Variants in NDRG1 observed in about 807,000 individuals in gnomAD.
NDRG1 encodes N-myc downstream regulated 1.
Under a neutral mutation model 56.9 loss-of-function variants are expected in NDRG1, and 32 were observed. The ratio of observed to expected loss-of-function variants is 0.56; its 90% CI spans 0.42 to 0.76. NDRG1 has a LOEUF of 0.76. Ranked by LOEUF, NDRG1 falls within the 30% of genes least tolerant of loss-of-function variation. NDRG1 has a pLI of 0.00. For missense variants in NDRG1, 507 were observed against 545.7 expected, an observed-to-expected ratio of 0.93 and a Z score of 0.71; for synonymous variants, 211 against 204.1, an observed-to-expected ratio of 1.03 and a Z score of -0.29.
intron 3 of NDRG1, among the ~76,000 whole-genome samples, chr8:133,278,572 CTTCCTGGT>C (rs1857588839): frequency 2.0e-5 from 3 of 152,154 alleles, no homozygotes; most frequent in Admixed American, 6.5e-5. Flanking sequence ...CATGGGCTTC[CTTCCTGGT>C]CAGGCAGAGC....
rs1428958121 is a variant in NDRG1 at position 133,238,919 on chromosome 8, C to T, written c.1144G>A (p.Gly382Arg). The stretch of plus-strand genomic sequence containing the variant: ...ATGGACTTGGGCCCGGCGCTGTTCC[C>T]AGCAGCACCCGAGTTGGGGGTGATG... The part of the protein sequence containing the change: ...LDITPNSGAA[G>R]NSAGPKSMEV... The change falls in exon 16 of 16, where the codon GGG (glycine) becomes AGG (arginine). Residue 382 changes from glycine to arginine, a missense_variant. Physicochemically the swap from Gly to Arg is moderately radical, Grantham distance 125 (BLOSUM62 -2). Transcript: ENST00000323851. 6.4e-7 allele frequency: 1 copy of T among 1,562,748 alleles called. No individual in the cohort carries two copies. The highest frequency in any genetic ancestry group is 8.7e-7 in the Non-Finnish European group (1 of 1,154,086).
At chr8:133,280,384 G>C in intron 2 of NDRG1, 117 bp from the exon 3 acceptor site, 1 of 967,268 alleles carries the variant, frequency 1.0e-6, no homozygotes, top group Non-Finnish European at 1.6e-6. Flanking sequence ...CTCCTTTGTG[G>C]GGTCTCCTTA....
chr8:133,284,553 G>C (rs1393377136), intron 1 of NDRG1, among the ~76,000 whole-genome samples: 1 of 152,132 alleles, frequency 6.6e-6, no homozygotes, highest in African/African-American at 2.4e-5. Context: ...CCTGGGAGAG[G>C]ATACTGAGGC....
chr8:133,280,290 G>A, intron 2 of NDRG1, 23 bp from the exon 3 acceptor site: 1 of 1,612,984 alleles, frequency 6.2e-7, no homozygotes, highest in Non-Finnish European at 8.5e-7. Flanking sequence ...AAAAAAAATT[G>A]TCAATTTCAT....
At chr8:133,253,916 G>A (rs1260128142) in intron 9 of NDRG1, among the ~76,000 whole-genome samples, 1 of 151,004 alleles carries the variant, frequency 6.6e-6, no homozygotes, top group African/African-American at 2.4e-5. Context: ...TGCCCAGGCT[G>A]GTCTTGAACT....
In NDRG1 at chr8:133,254,614, G is replaced by A. The variant is rs1010585310; in HGVS notation, c.538-19C>T. 1 of 1,613,238 alleles carries A rather than the reference G, an allele frequency of 6.2e-7. No individual in the cohort carries two copies. The highest frequency in any genetic ancestry group is 8.5e-7 in the Non-Finnish European group (1 of 1,179,612). ...CTGAGATCTGGAAAGGAGTAAAGTG[G>A]GTGGATGAGAAACCAGGAGCTAACA... On this transcript the variant is annotated intron_variant, in intron 8 of 15. Coordinates refer to ENST00000323851, the MANE Select transcript of NDRG1 (RefSeq NM_006096.4).
At chr8:133,285,297 T>A (rs575526285) in intron 1 of NDRG1, among the ~76,000 whole-genome samples, 1 of 152,158 alleles carries the variant, frequency 6.6e-6, no homozygotes, top group South Asian at 2.1e-4. Flanking sequence ...AAATGCAGAA[T>A]AAGGTCAAGT....
intron 13 of NDRG1, among the ~76,000 whole-genome samples, chr8:133,244,990 G>A (rs1453221860): frequency 2.0e-5 from 3 of 152,194 alleles, no homozygotes; most frequent in Non-Finnish European, 2.9e-5. Context: ...AGCAGGGGGA[G>A]GCTGCGGGGA....
chr8:133,278,485 T>G (rs533622469), intron 3 of NDRG1, among the ~76,000 whole-genome samples: 7 of 151,998 alleles, frequency 4.6e-5, no homozygotes, highest in Admixed American at 1.3e-4. Context: ...TCCTGCAACA[T>G]AGAGAGGAAC....
At chr8:133,259,455 G>A (rs938501796) in intron 5 of NDRG1, 2 of 587,450 alleles carry the variant, frequency 3.4e-6, no homozygotes, top group Non-Finnish European at 6.1e-6. Context: ...CTGGGAATTA[G>A]CTCATTCAAT....
chr8:133,267,087 C>G (rs1261140712), intron 3 of NDRG1, among the ~76,000 whole-genome samples: 1 of 152,150 alleles, frequency 6.6e-6, no homozygotes, highest in Non-Finnish European at 1.5e-5. Context: ...CTTGGAGAAC[C>G]CCGAAGCCAG....
At chr8:133,245,243 T>A (rs531502984) in intron 13 of NDRG1, among the ~76,000 whole-genome samples, 78 of 152,146 alleles carry the variant, frequency 5.1e-4, no homozygotes, top group African/African-American at 1.9e-3. Flanking sequence ...CCTAAGTGAG[T>A]TCTGTTTCTG....
At chr8:133,254,229 T>C (rs1357416607) in intron 9 of NDRG1, among the ~76,000 whole-genome samples, 1 of 151,938 alleles carries the variant, frequency 6.6e-6, no homozygotes, top group Non-Finnish European at 1.5e-5. Flanking sequence ...ACTCTTGGAG[T>C]GATGGAGACG....
chr8:133,244,302 C>G, intron 14 of NDRG1, 53 bp downstream of exon 14: 1 of 1,608,428 alleles, frequency 6.2e-7, no homozygotes, highest in Non-Finnish European at 8.5e-7. Flanking sequence ...CACATGCACT[C>G]CACCCAGGGG....
At chr8:133,256,702 C>A in intron 8 of NDRG1, 75 bp downstream of exon 8, 1 of 1,411,334 alleles carries the variant, frequency 7.1e-7, no homozygotes, top group African/African-American at 1.4e-5. Context: ...CTCCAGGGAT[C>A]CCCCAGGCAG....
intron 7 of NDRG1, 137 bp from the exon 8 acceptor site, chr8:133,257,000 C>A (rs1856411475): frequency 3.7e-6 from 3 of 801,312 alleles, no homozygotes; most frequent in Non-Finnish European, 6.3e-6. Context: ...TGCTCCCCGG[C>A]CCCACCCCAT....
intron 3 of NDRG1, among the ~76,000 whole-genome samples, chr8:133,274,631 T>C (rs1398562472): frequency 6.6e-6 from 1 of 152,226 alleles, no homozygotes; most frequent in Non-Finnish European, 1.5e-5. Flanking sequence ...TCATTGTCAG[T>C]AGGCTGAACA....
Position 133,242,049 on chromosome 8 carries a change from T to C in NDRG1, c.917A>G (p.Lys306Arg). The C allele has an allele frequency of 6.2e-7, 1 of 1,614,184 alleles. No individual in the cohort carries two copies. The highest frequency in any genetic ancestry group is 8.5e-7 in the Non-Finnish European group (1 of 1,180,034). The change falls in exon 15 of 16, where the codon AAG becomes AGG. Residue 306 changes from lysine to arginine, a missense_variant. Coordinates refer to ENST00000323851, the MANE Select transcript of NDRG1 (RefSeq NM_006096.4). ...SQPAKLAEAFKYFVQGMGYMP... is the reference protein window; with the variant it reads ...SQPAKLAEAFRYFVQGMGYMP... ...GTATCCCATGCCCTGCACGAAGTACTTGAAGGCCTCAGCGAGCTTGGCCGG... is the reference window on the plus strand; with the variant it reads ...GTATCCCATGCCCTGCACGAAGTACCTGAAGGCCTCAGCGAGCTTGGCCGG...
intron 9 of NDRG1, among the ~76,000 whole-genome samples, chr8:133,250,908 TAAAAAAAAAA>T (rs75259677): frequency 8.0e-6 from 1 of 124,886 alleles, no homozygotes; most frequent in African/African-American, 3.0e-5. Flanking sequence ...TCAGATCTCT[TAAAAAAAAAA>T]AAAAAAAAAA....
Sources: allele counts gnomAD v4.1 joint callset (sites outside exome capture counted in the v4.1 genomes callset), GRCh38; gene constraint gnomAD v4.1.1; transcripts MANE v1.5; gene names NCBI Gene and HGNC (gene_info 2026-07-23, HGNC 2026-07-21).